HEMK2: variants seen among roughly 807,000 people sequenced by gnomAD.
HEMK2 encodes methyltransferase HEMK2.
chr21:28,717,731 C>A, the HEMK2 span, among the ~76,000 whole-genome samples: 2 of 152,100 alleles, frequency 1.3e-5, no homozygotes, highest in East Asian at 1.9e-4. Context: ...CTGCCCATCT[C>A]GGCCTCCCAA....
At chr21:28,880,944 A>G in the HEMK2 span, among the ~76,000 whole-genome samples, 1 of 150,118 alleles carries the variant, frequency 6.7e-6, no homozygotes, top group Admixed American at 6.6e-5. Context: ...AAAAAAAAAA[A>G]AAAAAAAACC....
chr21:28,879,273 C>A, the HEMK2 span, among the ~76,000 whole-genome samples: 2 of 151,856 alleles, frequency 1.3e-5, no homozygotes, highest in African/African-American at 2.4e-5. Context: ...GACAGAGTCT[C>A]GCACTATCGT....
the HEMK2 span, among the ~76,000 whole-genome samples, chr21:28,827,780 G>C: frequency 6.6e-6 from 1 of 152,134 alleles, no homozygotes; most frequent in Admixed American, 6.5e-5. Context: ...TTGCTTTGAT[G>C]AGTTCTTACA....
chr21:28,883,080 A>T, the HEMK2 span: 21 of 1,577,390 alleles, frequency 1.3e-5, no homozygotes, highest in Non-Finnish European at 1.7e-5. Context: ...CTCTGAAAAA[A>T]AAATAAATAA....
the HEMK2 span, among the ~76,000 whole-genome samples, chr21:28,854,515 C>CATAGAG: frequency 2.7e-5 from 4 of 145,912 alleles, no homozygotes; most frequent in East Asian, 2.6e-4. Flanking sequence ...TATAGATATA[C>CATAGAG]ATAGAGATAG....
the HEMK2 span, among the ~76,000 whole-genome samples, chr21:28,776,122 CA>C: frequency 2.6e-5 from 4 of 152,180 alleles, no homozygotes; most frequent in African/African-American, 9.7e-5. Flanking sequence ...AAAAGTCTAG[CA>C]GACAGGCAGC....
the HEMK2 span, among the ~76,000 whole-genome samples, chr21:28,829,396 T>C: frequency 3.3e-5 from 5 of 152,334 alleles, no homozygotes; most frequent in South Asian, 1.0e-3. Flanking sequence ...CATTTATGAA[T>C]AGATGAATGT....
the HEMK2 span, among the ~76,000 whole-genome samples, chr21:28,794,372 A>G: frequency 1.3e-5 from 2 of 152,348 alleles, no homozygotes; most frequent in Middle Eastern, 3.4e-3. Flanking sequence ...TTGCCTAAAT[A>G]TGGATGAGTG....
the HEMK2 span, among the ~76,000 whole-genome samples, chr21:28,712,815 T>A: frequency 6.6e-6 from 1 of 152,190 alleles, no homozygotes; most frequent in Admixed American, 6.5e-5. Context: ...TTTTTTAAAA[T>A]AATAAGAGTA....
At chr21:28,817,292 C>G in the HEMK2 span, among the ~76,000 whole-genome samples, 3 of 151,874 alleles carry the variant, frequency 2.0e-5, no homozygotes, top group Admixed American at 6.6e-5. Context: ...ATTTGTTTAC[C>G]CTTTCTGAAA....
the HEMK2 span, among the ~76,000 whole-genome samples, chr21:28,793,385 C>T: frequency 1.3e-5 from 2 of 152,200 alleles, no homozygotes; most frequent in Non-Finnish European, 2.9e-5. Context: ...ACCTTTGCCA[C>T]TTCCAATCTG....
chr21:28,812,345 A>C, the HEMK2 span, among the ~76,000 whole-genome samples: 5 of 152,162 alleles, frequency 3.3e-5, no homozygotes, highest in African/African-American at 1.2e-4. Context: ...GAAAGTTTTT[A>C]GCATGAAGGG....
chr21:28,650,257 T>G, the HEMK2 span, among the ~76,000 whole-genome samples: 1 of 151,950 alleles, frequency 6.6e-6, no homozygotes, highest in Non-Finnish European at 1.5e-5. Flanking sequence ...TAGCTGGGCG[T>G]GGTGGCAGGT....
chr21:28,687,092 C>T, the HEMK2 span, among the ~76,000 whole-genome samples: 3 of 152,208 alleles, frequency 2.0e-5, no homozygotes, highest in Admixed American at 6.5e-5. Flanking sequence ...CAGTGGGCCC[C>T]TCTCACATTA....
At chr21:28,848,533 T>G in the HEMK2 span, among the ~76,000 whole-genome samples, 1 of 152,248 alleles carries the variant, frequency 6.6e-6, no homozygotes, top group African/African-American at 2.4e-5. Context: ...AGTAACTAAT[T>G]TAATTAAAAT....
At chr21:28,697,103 G>A in the HEMK2 span, among the ~76,000 whole-genome samples, 7 of 152,180 alleles carry the variant, frequency 4.6e-5, no homozygotes, top group East Asian at 3.9e-4. Flanking sequence ...TGTTGTCTTG[G>A]TTATTAACAT....
chr21:28,776,816 C>T, the HEMK2 span, among the ~76,000 whole-genome samples: 1 of 152,198 alleles, frequency 6.6e-6, no homozygotes, highest in Non-Finnish European at 1.5e-5. Flanking sequence ...GGCTGGAAGA[C>T]TCAGGCAATC....
At chr21:28,812,185 C>A in the HEMK2 span, among the ~76,000 whole-genome samples, 2 of 152,154 alleles carry the variant, frequency 1.3e-5, no homozygotes, top group African/African-American at 4.8e-5. Flanking sequence ...ATATCTGATG[C>A]TATTGAATGA....
At chr21:28,879,603 A>G in the HEMK2 span, among the ~76,000 whole-genome samples, 5 of 152,236 alleles carry the variant, frequency 3.3e-5, no homozygotes, top group Non-Finnish European at 4.4e-5. Context: ...ATATATATGT[A>G]CATTTATATT....
Sources: gnomAD v4.1 joint callset for allele counts (sites outside exome capture counted in the v4.1 genomes callset) on GRCh38, gnomAD v4.1.1 for gene constraint, MANE v1.5 for transcripts, NCBI Gene and HGNC (gene_info 2026-07-23, HGNC 2026-07-21) for gene names.